RASA1: variants seen among roughly 807,000 people sequenced by gnomAD.
RASA1 encodes the protein RAS p21 protein activator 1.
Under a neutral mutation model 132.2 loss-of-function variants are expected in RASA1, and 25 were observed. The ratio of observed to expected loss-of-function variants is 0.19; its 90% CI spans 0.14 to 0.26. The LOEUF is 0.26. Ranked by LOEUF, RASA1 falls within the 10% of genes least tolerant of loss-of-function variation. The pLI is 1.00. For missense variants in RASA1, 964 were observed against 1,299.2 expected (o/e 0.74, Z 3.97); for synonymous variants, 477 against 449.9 (o/e 1.06, Z -0.76).
chr5:87,285,440 AC>A (rs1180846318), intron 1 of RASA1, among the ~76,000 whole-genome samples: 1 of 152,114 alleles, frequency 6.6e-6, no homozygotes, highest in African/African-American at 2.4e-5. Context: ...TTGAGAGAGT[AC>A]AGTGGAATAA....
intron 1 of RASA1, among the ~76,000 whole-genome samples, chr5:87,287,004 C>A (rs1284107883): frequency 1.4e-5 from 2 of 145,292 alleles, no homozygotes; most frequent in Non-Finnish European, 3.0e-5. Context: ...CATATATATA[C>A]CATATATATA....
chr5:87,336,367 A>G (rs1757971080), intron 4 of RASA1, among the ~76,000 whole-genome samples: 1 of 152,124 alleles, frequency 6.6e-6, no homozygotes, highest in East Asian at 1.9e-4. Context: ...TGGGAGACCA[A>G]AAAGAAAAAA....
At position 87,338,051 on chromosome 5, in the gene RASA1, A is replaced by T; in HGVS notation, c.977A>T (p.Asp326Val). The change falls in exon 5 of 25, where the codon GAT (aspartate) becomes GTT (valine). Residue 326 changes from aspartate (D) to valine (V), a missense_variant. Physicochemically the swap from Asp to Val is radical, Grantham distance 152. Transcript: ENST00000274376. The stretch of plus-strand genomic sequence containing the variant: ...ATGTGGGTTACAAATTTAAGAACAG[A>T]TGAACAAGGCCTTATTGTTGAAGAC... The part of the protein sequence containing the change: ...GWMWVTNLRT[D>V]EQGLIVEDLV... The T allele has an allele frequency of 6.2e-7, 1 of 1,612,330 alleles. No individual in the cohort carries two copies. The highest frequency in any genetic ancestry group is 8.5e-7 in the Non-Finnish European group (1 of 1,179,040).
At chr5:87,344,678 A>ATTTTTTTT (rs113174684) in intron 6 of RASA1, among the ~76,000 whole-genome samples, 1 of 131,210 alleles carries the variant, frequency 7.6e-6, no homozygotes, top group African/African-American at 2.8e-5. Context: ...AAATGTTGTA[A>ATTTTTTTT]TTTTTTTTTT....
In RASA1 at chr5:87,385,111, T is replaced by C. The variant is rs10942503; in HGVS notation, c.2759-190T>C. On this transcript the variant is annotated intron_variant, in intron 21 of 24. Coordinates refer to ENST00000274376, the MANE Select transcript of RASA1 (RefSeq NM_002890.3). ...AGCATATTCACTTTTTCTCTTTTAA[T>C]TCAAGTTCTTTTGAATTTTATGGAT... Among the ~76,000 whole-genome samples, 10,731 of 152,216 alleles carry C rather than the reference T, an allele frequency of 0.07. 850 individuals are homozygous for C. Among genetic ancestry groups the C allele is most frequent in the African/African-American group, 0.2 (8,182 of 41,536 alleles).
In RASA1 at chr5:87,296,128, C is replaced by CT. The variant is rs982774488; in HGVS notation, c.539+27146dup. 1.5e-4 allele frequency among the ~76,000 whole-genome samples: 22 copies of CT among 147,026 alleles called. 1 individual carries two copies. Among genetic ancestry groups the CT allele is most frequent in the East Asian group, 2.0e-4 (1 of 5,046 alleles). ...CACTACAACCAGCCTTTTTTTTTTT[C>CT]TTTTTTTTCCTAACTTAAGTGTTTG... On this transcript the variant is annotated intron_variant, in intron 1 of 24. Coordinates refer to ENST00000274376, the MANE Select transcript of RASA1 (RefSeq NM_002890.3).
At chr5:87,323,874 G>C (rs1757012010) in intron 1 of RASA1, among the ~76,000 whole-genome samples, 1 of 152,098 alleles carries the variant, frequency 6.6e-6, no homozygotes, top group Non-Finnish European at 1.5e-5. Context: ...TTCTAAGACT[G>C]AGACAGGTAT....
At chr5:87,331,003 C>T (rs923919154) in intron 1 of RASA1, 42 of 1,395,286 alleles carry the variant, frequency 3.0e-5, no homozygotes, top group Admixed American at 2.9e-5. Flanking sequence ...TAATCATTTC[C>T]ATTTGTCTAT....
chr5:87,331,415 A>C lies in RASA1; in HGVS notation c.607A>C (p.Ser203Arg). 3.7e-6 allele frequency: 6 copies of C among 1,613,792 alleles called. No homozygotes were observed. The highest frequency in any genetic ancestry group is 5.1e-6 in the Non-Finnish European group (6 of 1,179,692). Reference protein sequence around the residue: ...ERLRQAGKSGSYLIRESDRRP... With the variant: ...ERLRQAGKSGRYLIRESDRRP... ...CCTCAGGCAGGCAGGGAAGTCTGGC[A>C]GTTATCTTATAAGAGAGAGTGATCG... is the stretch of plus-strand genomic sequence containing the variant. The change falls in exon 2 of 25, where the codon AGT (serine) becomes CGT (arginine). Residue 203 changes from serine to arginine, a missense_variant. By Grantham distance (110) the Ser-to-Arg change is moderately radical (BLOSUM62 -1). Around this residue, in one of 6 missense-constraint regions of RASA1, gnomAD observed 326 missense variants for 275.8 expected, o/e 1.18. Transcript: ENST00000274376.
In RASA1 at chr5:87,376,427, A is replaced by C; in HGVS notation, c.2046A>C (p.Lys682Asn). 1 of 1,614,040 alleles carries C rather than the reference A, an allele frequency of 6.2e-7. No individual in the cohort carries two copies. ...GCTGCCAGTTGAGCCGATTACAGAA[A>C]GGGCATGCCACAGATGAATGGTTTC... Reference protein sequence around the residue: ...FMRCQLSRLQKGHATDEWFLL... With the variant: ...FMRCQLSRLQNGHATDEWFLL... Residue 682 changes from lysine (K) to asparagine (N), a missense_variant, in exon 16 of 25, where the codon AAA becomes AAC. Physicochemically the swap from Lys to Asn is moderately conservative, Grantham distance 94. Around this residue, in one of 6 missense-constraint regions of RASA1, gnomAD observed 346 missense variants for 520.1 expected, o/e 0.67. Coordinates refer to ENST00000274376, the MANE Select transcript of RASA1 (RefSeq NM_002890.3).
intron 1 of RASA1, among the ~76,000 whole-genome samples, chr5:87,321,114 G>A (rs1178326548): frequency 6.6e-6 from 1 of 152,134 alleles, no homozygotes; most frequent in African/African-American, 2.4e-5. Flanking sequence ...ATATGGAGAG[G>A]GTAGTAATGA....
At chr5:87,272,254 A>G (rs957390355) in intron 1 of RASA1, among the ~76,000 whole-genome samples, 1 of 152,136 alleles carries the variant, frequency 6.6e-6, no homozygotes, top group Non-Finnish European at 1.5e-5. Context: ...AAATTGTATG[A>G]CTATGTATAT....
At chr5:87,269,138 C>A in intron 1 of RASA1, 148 bp downstream of exon 1, 3 of 1,613,356 alleles carry the variant, frequency 1.9e-6, no homozygotes, top group East Asian at 4.5e-5. Context: ...GGAATTTAAT[C>A]TGATCACTTA....
chr5:87,337,780 T>G (rs535326044), intron 4 of RASA1, among the ~76,000 whole-genome samples, 194 bp from the exon 5 acceptor site: 1 of 152,126 alleles, frequency 6.6e-6, no homozygotes, highest in African/African-American at 2.4e-5. Context: ...TAATTAAAAT[T>G]CAGATTATTT....
intron 1 of RASA1, among the ~76,000 whole-genome samples, chr5:87,288,602 C>T (rs960265744): frequency 6.6e-6 from 1 of 152,066 alleles, no homozygotes; most frequent in Non-Finnish European, 1.5e-5. Context: ...TGTCAGGTGT[C>T]ATCTAAGTAC....
intron 1 of RASA1, among the ~76,000 whole-genome samples, chr5:87,321,245 C>G (rs1324503905): frequency 1.3e-5 from 2 of 152,134 alleles, no homozygotes; most frequent in Non-Finnish European, 2.9e-5. Flanking sequence ...ATTGTTTTTC[C>G]TCTGCTCTTA....
At chr5:87,279,475 A>G (rs1754217842) in intron 1 of RASA1, among the ~76,000 whole-genome samples, 1 of 152,174 alleles carries the variant, frequency 6.6e-6, no homozygotes, top group African/African-American at 2.4e-5. Context: ...ATTTGTATAT[A>G]TGTTTTTGTG....
chr5:87,356,997 T>G (rs931666006), intron 9 of RASA1, among the ~76,000 whole-genome samples: 1 of 152,198 alleles, frequency 6.6e-6, no homozygotes, highest in African/African-American at 2.4e-5. Flanking sequence ...AAATATTGAT[T>G]GAATGAATGA....
intron 1 of RASA1, among the ~76,000 whole-genome samples, chr5:87,275,641 G>A (rs191494540): frequency 5.9e-5 from 9 of 151,908 alleles, no homozygotes; most frequent in Admixed American, 1.3e-4. Context: ...CAGTGGTATG[G>A]CTCACTGCAA....
Sources: allele counts gnomAD v4.1 joint callset (sites outside exome capture counted in the v4.1 genomes callset), GRCh38; gene constraint gnomAD v4.1.1; regional missense constraint gnomAD v4.1.1; transcripts MANE v1.5; gene names NCBI Gene and HGNC (gene_info 2026-07-23, HGNC 2026-07-21).